The following CDH23 variants were observed in gnomAD, a reference collection of about 807,000 sequenced individuals.
CDH23 encodes the protein cadherin related 23, also known as cadherin-23.
CDH23 carries 189 observed loss-of-function variants against 317.1 expected under a neutral mutation model. The observed-to-expected ratio is 0.60, with a 90% CI of 0.53 to 0.67. CDH23 has a LOEUF of 0.67. Ranked by LOEUF, CDH23 falls within the 30% of genes least tolerant of loss-of-function variation. The pLI is 0.00. For missense variants in CDH23, 4,401 were observed against 4,592.4 expected (o/e 0.96, Z 1.20); for synonymous variants, 1,839 against 1,876.8 (o/e 0.98, Z 0.52).
chr10:71,492,787 G>A (rs1280733960), intron 3 of CDH23, among the ~76,000 whole-genome samples: 1 of 152,250 alleles, frequency 6.6e-6, no homozygotes, highest in Non-Finnish European at 1.5e-5. Flanking sequence ...GAGGATCGAA[G>A]GCCAGTAAGG....
At chr10:71,613,564 G>A (rs545587467) in intron 9 of CDH23, among the ~76,000 whole-genome samples, 15 of 152,348 alleles carry the variant, frequency 9.8e-5, no homozygotes, top group Admixed American at 3.9e-4. Flanking sequence ...ACTAACTTGG[G>A]TAGAAGTAAG....
At chr10:71,404,449 C>G (rs113950903) in intron 1 of CDH23, among the ~76,000 whole-genome samples, 1 of 152,248 alleles carries the variant, frequency 6.6e-6, no homozygotes, top group Non-Finnish European at 1.5e-5. Flanking sequence ...ATTTCCGATA[C>G]CCCCTTGCTC....
intron 30 of CDH23, among the ~76,000 whole-genome samples, chr10:71,727,124 C>T (rs993494646): frequency 6.6e-6 from 1 of 152,218 alleles, no homozygotes; most frequent in African/African-American, 2.4e-5. Context: ...CTTTAACCTC[C>T]GTAACCCTCA....
intron 9 of CDH23, among the ~76,000 whole-genome samples, chr10:71,581,267 G>T (rs1189856153): frequency 6.6e-6 from 1 of 152,224 alleles, no homozygotes; most frequent in Non-Finnish European, 1.5e-5. Flanking sequence ...TTGAAAGAAA[G>T]AATTAAGGGC....
At chr10:71,447,131 CT>C (rs1554825364) in intron 3 of CDH23, among the ~76,000 whole-genome samples, 2 of 152,206 alleles carry the variant, frequency 1.3e-5, no homozygotes, top group Non-Finnish European at 2.9e-5. Context: ...GGGCTTCTTA[CT>C]CTCGGGTCTG....
At chr10:71,786,999 G>T (rs1841123846) in intron 44 of CDH23, among the ~76,000 whole-genome samples, 1 of 152,132 alleles carries the variant, frequency 6.6e-6, no homozygotes, top group Admixed American at 6.5e-5. Flanking sequence ...TGGTTCCCTT[G>T]TCTCTGAGGT....
chr10:71,619,057 G>A (rs1156928433), intron 11 of CDH23, among the ~76,000 whole-genome samples: 6 of 152,080 alleles, frequency 3.9e-5, no homozygotes, highest in Admixed American at 1.3e-4. Context: ...TTTTTAAGCC[G>A]GGCACAGTGG....
intron 3 of CDH23, among the ~76,000 whole-genome samples, chr10:71,468,769 C>T (rs188875264): frequency 1.3e-5 from 2 of 152,346 alleles, no homozygotes; most frequent in East Asian, 1.9e-4. Flanking sequence ...CTAGTAAACA[C>T]GCTCCCCTGC....
At chr10:71,799,396 G>T (rs572318815) in intron 51 of CDH23, 96 bp from the exon 52 acceptor site, 1 of 1,603,380 alleles carries the variant, frequency 6.2e-7, no homozygotes, top group African/African-American at 1.3e-5. Flanking sequence ...CCCAGCCCAC[G>T]AGCAGCTTGA....
intron 6 of CDH23, among the ~76,000 whole-genome samples, chr10:71,526,803 A>C (rs558909184): frequency 1.3e-5 from 2 of 152,298 alleles, no homozygotes; most frequent in South Asian, 4.1e-4. Context: ...CTCTTTTAAA[A>C]ATGAGGAAGC....
Position 71,779,562 on chromosome 10 carries a change from C to T in CDH23, c.5368+115C>T, listed in dbSNP as rs10999997. ...CCTCACCATTGTGTGATTTTGTCCT[C>T]TCTGGGCCTCAGTTTCCCCATCTAT... is the stretch of plus-strand genomic sequence containing the variant. On this transcript the variant is annotated intron_variant, in intron 41 of 69. Transcript: ENST00000224721. The T allele has an allele frequency of 5.3e-3, 4,073 of 771,952 alleles. 15 individuals are homozygous for T. The highest frequency in any genetic ancestry group is 6.7e-3 in the Non-Finnish European group (3,381 of 504,226). The allele number at this position is 771,952 out of a possible 1,614,324, so 47.8% of individuals were successfully genotyped here.
chr10:71,787,512 A>C (rs1313379931), intron 44 of CDH23, among the ~76,000 whole-genome samples: 1 of 150,850 alleles, frequency 6.6e-6, no homozygotes, highest in Non-Finnish European at 1.5e-5. Context: ...GTACCTAATA[A>C]ATAATTTTTC....
chr10:71,427,992 C>T (rs530640044), intron 1 of CDH23, among the ~76,000 whole-genome samples: 16 of 151,638 alleles, frequency 1.1e-4, no homozygotes, highest in African/African-American at 3.6e-4. Context: ...GAATTACAGG[C>T]GTGACCCACT....
At chr10:71,734,204 ATGT>A in intron 32 of CDH23, 33 bp from the exon 33 acceptor site, 1 of 1,531,522 alleles carries the variant, frequency 6.5e-7, no homozygotes, top group Non-Finnish European at 8.9e-7. Context: ...CAAGGGTGCG[ATGT>A]TGTCACTCAC....
intron 2 of CDH23, among the ~76,000 whole-genome samples, chr10:71,442,107 C>T (rs1331424526): frequency 6.6e-6 from 1 of 152,212 alleles, no homozygotes; most frequent in Non-Finnish European, 1.5e-5. Flanking sequence ...CCTTTATTAT[C>T]AGAAGTTATC....
At chr10:71,650,163 T>C (rs954913047) in intron 14 of CDH23, among the ~76,000 whole-genome samples, 3 of 152,228 alleles carry the variant, frequency 2.0e-5, no homozygotes, top group Admixed American at 2.0e-4. Context: ...TTTTAGGGCC[T>C]GTGGCACCAC....
intron 24 of CDH23, 102 bp from the exon 25 acceptor site, chr10:71,704,809 C>T: frequency 1.1e-6 from 1 of 925,934 alleles, no homozygotes; most frequent in Non-Finnish European, 1.7e-6. Flanking sequence ...TGTCTAGCTG[C>T]AGCCAAGTGT....
chr10:71,643,809 G>A (rs772233716), intron 11 of CDH23, 52 bp from the exon 12 acceptor site: 7 of 764,990 alleles, frequency 9.2e-6, no homozygotes, highest in East Asian at 2.4e-5. Flanking sequence ...ATACCTCTCC[G>A]GCTCCTTCTG....
intron 1 of CDH23, among the ~76,000 whole-genome samples, chr10:71,425,171 G>A (rs1030329672): frequency 6.6e-6 from 1 of 150,630 alleles, no homozygotes; most frequent in Non-Finnish European, 1.5e-5. Flanking sequence ...CCTGGAGTGG[G>A]TGAGGGTGGA....
Sources: allele counts gnomAD v4.1 joint callset (sites outside exome capture counted in the v4.1 genomes callset), GRCh38; gene constraint gnomAD v4.1.1; transcripts MANE v1.5; gene names NCBI Gene and HGNC (gene_info 2026-07-23, HGNC 2026-07-21).